ABCA13: variants seen among roughly 807,000 people sequenced by gnomAD.
ABCA13 encodes the protein ATP-binding cassette sub-family A member 13.
ABCA13 carries 476 observed loss-of-function variants against 478.7 expected under a neutral mutation model. The observed-to-expected ratio is 0.99, with a 90% CI of 0.92 to 1.07. The LOEUF (loss-of-function observed/expected upper bound fraction) is 1.07. ABCA13 is among the 50% of genes least tolerant of loss of function. The probability of loss-of-function intolerance (pLI) is 0.00; values close to 1 mark genes in which losing one functional copy is unlikely to be tolerated. For missense variants in ABCA13, 6,060 were observed against 5,910.6 expected, an observed-to-expected ratio of 1.03 and a Z score of -0.83; for synonymous variants, 2,252 against 2,158.9, an observed-to-expected ratio of 1.04 and a Z score of -1.20.
chr7:48,527,416 T>TA (rs1832956909), intron 54 of ABCA13, among the ~76,000 whole-genome samples: 1 of 152,172 alleles, frequency 6.6e-6, no homozygotes, highest in Admixed American at 6.5e-5. Flanking sequence ...AGCCAGTTTG[T>TA]ATCCATAGAT....
At chr7:48,528,663 G>A (rs1420382510) in intron 55 of ABCA13, among the ~76,000 whole-genome samples, 1 of 152,212 alleles carries the variant, frequency 6.6e-6, no homozygotes, top group Non-Finnish European at 1.5e-5. Flanking sequence ...GCAGGAAATG[G>A]CCAAGGGGTG....
intron 42 of ABCA13, among the ~76,000 whole-genome samples, chr7:48,454,002 C>A (rs1825352156): frequency 6.6e-6 from 1 of 152,174 alleles, no homozygotes; most frequent in African/African-American, 2.4e-5. Context: ...TAAAAATGTT[C>A]TCTTTTGGGT....
At chr7:48,301,692 C>G (rs939484492) in intron 23 of ABCA13, among the ~76,000 whole-genome samples, 1 of 152,074 alleles carries the variant, frequency 6.6e-6, no homozygotes, top group African/African-American at 2.4e-5. Context: ...GCTTGTCTGG[C>G]TCTGTCACCA....
chr7:48,644,557 C>T, intron 60 of ABCA13, 60 bp from the exon 61 acceptor site: 1 of 1,498,922 alleles, frequency 6.7e-7, no homozygotes, highest in East Asian at 2.4e-5. Flanking sequence ...GTAGTATGAT[C>T]AATTTTGTTT....
chr7:48,526,956 A>G (rs1465367801), intron 54 of ABCA13, among the ~76,000 whole-genome samples: 1 of 152,168 alleles, frequency 6.6e-6, no homozygotes, highest in Non-Finnish European at 1.5e-5. Context: ...GCATCATAAT[A>G]ATTGTTATCC....
At chr7:48,607,138 G>C (rs1273512137) in intron 58 of ABCA13, among the ~76,000 whole-genome samples, 1 of 151,858 alleles carries the variant, frequency 6.6e-6, no homozygotes, top group Non-Finnish European at 1.5e-5. Flanking sequence ...TAGTTTGCTG[G>C]GCTCTGTGGG....
At chr7:48,181,151 T>A (rs1795647504) in intron 1 of ABCA13, among the ~76,000 whole-genome samples, 1 of 152,228 alleles carries the variant, frequency 6.6e-6, no homozygotes, top group Non-Finnish European at 1.5e-5. Context: ...CTCAGTGTGG[T>A]CTGTGCTTGC....
intron 31 of ABCA13, among the ~76,000 whole-genome samples, chr7:48,359,208 G>A (rs1810434813): frequency 1.3e-5 from 2 of 151,940 alleles, no homozygotes; most frequent in African/African-American, 4.9e-5. Context: ...GAATGGGTGG[G>A]ATGCTCTGAG....
chr7:48,431,737 TC>T (rs1276430412), intron 42 of ABCA13, among the ~76,000 whole-genome samples: 1 of 152,232 alleles, frequency 6.6e-6, no homozygotes, highest in Non-Finnish European at 1.5e-5. Context: ...TTATTTCATA[TC>T]TTTTATAGTC....
At chr7:48,233,736 G>T (rs1342217596) in intron 7 of ABCA13, among the ~76,000 whole-genome samples, 2 of 152,010 alleles carry the variant, frequency 1.3e-5, no homozygotes, top group Admixed American at 1.3e-4. Context: ...GAAATTATTG[G>T]GTTCAATGAC....
At chr7:48,206,466 A>T (rs1170039037) in intron 3 of ABCA13, among the ~76,000 whole-genome samples, 3 of 152,214 alleles carry the variant, frequency 2.0e-5, no homozygotes. Context: ...GTGTTCACAC[A>T]TGATGAAATT....
At chr7:48,395,977 T>C (rs1049309955) in intron 38 of ABCA13, among the ~76,000 whole-genome samples, 7 of 152,134 alleles carry the variant, frequency 4.6e-5, no homozygotes, top group East Asian at 3.8e-4. Flanking sequence ...ATTTGAGAAG[T>C]TGGGGAGAGG....
At position 48,361,561 on chromosome 7, in the gene ABCA13, A is replaced by G. The variant is rs535693092; in HGVS notation, c.10689-6233A>G. On this transcript the variant is annotated intron_variant, in intron 31 of 61. Transcript: ENST00000435803. Reference sequence around the variant, plus strand: ...TTTTATTACTTCCTTACTTTTCTGTATCTTCAATATATTCTTTTATAATTT... The same window carrying G: ...TTTTATTACTTCCTTACTTTTCTGTGTCTTCAATATATTCTTTTATAATTT... Among the ~76,000 whole-genome samples, 148 of 151,670 alleles carry G rather than the reference A, an allele frequency of 9.8e-4. 3 individuals carry two copies. In the South Asian group the frequency reaches 0.03, roughly 30 times the overall value.
intron 43 of ABCA13, among the ~76,000 whole-genome samples, chr7:48,463,329 G>T (rs994104069): frequency 6.6e-6 from 1 of 152,198 alleles, no homozygotes. Context: ...TAGGGCAGCA[G>T]CTGGGCTGCC....
intron 36 of ABCA13, among the ~76,000 whole-genome samples, chr7:48,388,640 T>G (rs780017584): frequency 3.9e-5 from 6 of 152,246 alleles, no homozygotes; most frequent in Non-Finnish European, 7.3e-5. Context: ...AATATTTTTC[T>G]GAATTATGAA....
chr7:48,559,327 G>A (rs984211910), intron 55 of ABCA13, among the ~76,000 whole-genome samples: 1 of 152,086 alleles, frequency 6.6e-6, no homozygotes, highest in Non-Finnish European at 1.5e-5. Context: ...TGGCTCACAG[G>A]GAGTTCTTCA....
intron 55 of ABCA13, among the ~76,000 whole-genome samples, chr7:48,535,080 A>G (rs1833479044): frequency 2.0e-5 from 3 of 152,162 alleles, no homozygotes; most frequent in Admixed American, 6.5e-5. Context: ...GTGTTAAAGA[A>G]TTATGTTTTG....
chr7:48,249,490 A>C (rs1792203937), intron 15 of ABCA13, 139 bp downstream of exon 15: 2 of 1,099,172 alleles, frequency 1.8e-6, no homozygotes, highest in Non-Finnish European at 2.6e-6. Context: ...TGGCATTGTG[A>C]TTACTTCATA....
chr7:48,275,758 A>C lies in ABCA13; in HGVS notation c.6092A>C (p.Asn2031Thr). ...CTCTCTTTATTCATGATGCTCCAGA[A>C]TGCAAATGTCACAGGTAGCAGTTTA... Reference protein sequence around the residue: ...NLLSLFMMLQNANVTGSSLEA... With the variant: ...NLLSLFMMLQTANVTGSSLEA... The change falls in exon 17 of 62, where the codon AAT becomes ACT. Residue 2031 changes from asparagine to threonine, a missense_variant. Coordinates refer to ENST00000435803, the MANE Select transcript of ABCA13 (RefSeq NM_152701.5). 1 of 1,610,474 alleles carries C rather than the reference A, an allele frequency of 6.2e-7. No homozygotes were observed. Among genetic ancestry groups the C allele is most frequent in the South Asian group, 1.1e-5 (1 of 90,572 alleles).
Sources: allele counts gnomAD v4.1 joint callset (sites outside exome capture counted in the v4.1 genomes callset), GRCh38; gene constraint gnomAD v4.1.1; transcripts MANE v1.5; gene names NCBI Gene and HGNC (gene_info 2026-07-23, HGNC 2026-07-21).